BRINP1: variants seen among roughly 807,000 people sequenced by gnomAD.
BRINP1 encodes BMP/retinoic acid-inducible neural-specific protein 1.
Under a neutral mutation model 72.9 loss-of-function variants are expected in BRINP1, and 17 were observed. The ratio of observed to expected loss-of-function variants is 0.23; its 90% CI spans 0.16 to 0.35. BRINP1 has a LOEUF of 0.35. Ranked by LOEUF, BRINP1 falls within the 10% of genes least tolerant of loss-of-function variation. The pLI is 1.00. For synonymous variants in BRINP1, 418 were observed against 378.5 expected (o/e 1.10, Z -1.21); for missense variants, 850 against 1,001.6 (o/e 0.85, Z 2.04).
intron 5 of BRINP1, among the ~76,000 whole-genome samples, chr9:119,232,810 C>T (rs527345816): frequency 3.9e-5 from 6 of 152,014 alleles, no homozygotes; most frequent in South Asian, 4.1e-4. Context: ...CTGTATACTT[C>T]GCCATATGGA....
chr9:119,345,773 T>G (rs147686162), intron 1 of BRINP1, among the ~76,000 whole-genome samples: 6 of 152,308 alleles, frequency 3.9e-5, no homozygotes, highest in South Asian at 2.1e-4. Context: ...TTCCGATGTG[T>G]AAGCTTTGAT....
intron 1 of BRINP1, among the ~76,000 whole-genome samples, chr9:119,326,551 A>C (rs994915029): frequency 6.6e-6 from 1 of 152,150 alleles, no homozygotes; most frequent in Non-Finnish European, 1.5e-5. Context: ...TAAATATTTC[A>C]TTTGGACCCA....
At chr9:119,345,917 G>A (rs1831446973) in intron 1 of BRINP1, among the ~76,000 whole-genome samples, 3 of 151,946 alleles carry the variant, frequency 2.0e-5, no homozygotes, top group Admixed American at 2.0e-4. Flanking sequence ...TTTACAGACA[G>A]GGTAAATGAG....
At chr9:119,358,024 T>C (rs998615394) in intron 1 of BRINP1, among the ~76,000 whole-genome samples, 2 of 152,188 alleles carry the variant, frequency 1.3e-5, no homozygotes, top group Non-Finnish European at 2.9e-5. Context: ...TTATTGTATA[T>C]CTTGGGGCAA....
rs188447386 is a variant in BRINP1, at chr9:119,212,365, G to T, written c.922+1554C>A. 1.4e-3 allele frequency among the ~76,000 whole-genome samples: 218 copies of T among 152,296 alleles called. 1 individual carries two copies. Among genetic ancestry groups the T allele is most frequent in the Non-Finnish European group, 2.7e-3 (181 of 68,020 alleles). ...ATTTTGCTTGATCAAATAATTTCTT[G>T]TCTAAAGACTTGAATAAACTCAAAT... On this transcript the variant is annotated intron_variant, in intron 6 of 7. Transcript: ENST00000265922.
intron 2 of BRINP1, among the ~76,000 whole-genome samples, chr9:119,281,116 A>G (rs1327310973): frequency 1.3e-5 from 2 of 152,172 alleles, no homozygotes; most frequent in South Asian, 2.1e-4. Context: ...AGCCAACCCT[A>G]CTGACACTGG....
At chr9:119,289,439 C>T (rs1043929515) in intron 2 of BRINP1, among the ~76,000 whole-genome samples, 2 of 151,972 alleles carry the variant, frequency 1.3e-5, no homozygotes, top group African/African-American at 2.4e-5. Flanking sequence ...CTGGCTGTTC[C>T]GTGAAAGGAG....
At chr9:119,352,209 T>C (rs1384321577) in intron 1 of BRINP1, among the ~76,000 whole-genome samples, 1 of 152,226 alleles carries the variant, frequency 6.6e-6, no homozygotes, top group African/African-American at 2.4e-5. Flanking sequence ...CTGTCTTTAC[T>C]ATCAGTGCCT....
rs1831729861 is a variant in BRINP1 at position 119,369,292 on chromosome 9, C to T, written c.-287G>A. On this transcript the variant is annotated 5_prime_UTR_variant, in exon 1 of 8. Transcript: ENST00000265922. ...CGGAAGGCGGTCACTACTCCCTCTG[C>T]CTCCCGGCTCTCTCGCTCTCGCTCT... 7.5e-6 allele frequency: 3 copies of T among 398,944 alleles called. No individual in the cohort carries two copies. The highest frequency in any genetic ancestry group is 4.4e-5 in the Admixed American group (1 of 22,746). The allele number at this position is 398,944 out of a possible 1,614,324, so 24.7% of individuals were successfully genotyped here.
intron 2 of BRINP1, among the ~76,000 whole-genome samples, chr9:119,269,143 T>C (rs1024984865): frequency 6.6e-6 from 1 of 152,202 alleles, no homozygotes; most frequent in Non-Finnish European, 1.5e-5. Flanking sequence ...TGCTCATAAG[T>C]GGTGAGTAAT....
intron 7 of BRINP1, among the ~76,000 whole-genome samples, chr9:119,181,002 T>G (rs1183616864): frequency 3.9e-5 from 6 of 152,150 alleles, no homozygotes; most frequent in Non-Finnish European, 8.8e-5. Context: ...TACGAAACAA[T>G]TTTTGCAATT....
At chr9:119,314,905 GATA>G (rs1159378385) in intron 1 of BRINP1, among the ~76,000 whole-genome samples, 1 of 152,118 alleles carries the variant, frequency 6.6e-6, no homozygotes, top group African/African-American at 2.4e-5. Context: ...TCATGATGAG[GATA>G]ATGATGATGA....
intron 2 of BRINP1, among the ~76,000 whole-genome samples, chr9:119,307,257 T>C (rs78895302): frequency 2.6e-5 from 4 of 151,518 alleles, no homozygotes; most frequent in Non-Finnish European, 5.9e-5. Flanking sequence ...CTGACAATAA[T>C]TTTTTTTAGC....
At chr9:119,177,019 C>T (rs1829497416) in intron 7 of BRINP1, among the ~76,000 whole-genome samples, 1 of 152,162 alleles carries the variant, frequency 6.6e-6, no homozygotes, top group Non-Finnish European at 1.5e-5. Flanking sequence ...TGTCAGTTTC[C>T]CCTCCAGGCT....
rs570679070 is a variant in BRINP1 at position 119,242,612 on chromosome 9, T to C, written c.410-396A>G. 3.3e-5 allele frequency among the ~76,000 whole-genome samples: 5 copies of C among 152,316 alleles called. No individual in the cohort carries two copies. In the East Asian group the frequency reaches 5.8e-4, roughly 18 times the overall value. On this transcript the variant is annotated intron_variant, in intron 3 of 7. Coordinates refer to ENST00000265922, the MANE Select transcript of BRINP1 (RefSeq NM_014618.3). ...CCTTTGTCTCCTCATTATCATGCAG[T>C]TCCTCCTTTTCCTCTACTCTCCCAT...
At chr9:119,210,778 AC>A (rs1158777921) in intron 6 of BRINP1, among the ~76,000 whole-genome samples, 1 of 152,160 alleles carries the variant, frequency 6.6e-6, no homozygotes, top group Admixed American at 6.5e-5. Flanking sequence ...CAGCTGTGGG[AC>A]CCTTATTCTC....
At chr9:119,350,815 A>G (rs1179716368) in intron 1 of BRINP1, among the ~76,000 whole-genome samples, 1 of 152,142 alleles carries the variant, frequency 6.6e-6, no homozygotes, top group Non-Finnish European at 1.5e-5. Flanking sequence ...GTGAAATCAA[A>G]TATATATAAA....
At chr9:119,216,332 G>A (rs952245922) in intron 5 of BRINP1, among the ~76,000 whole-genome samples, 3 of 152,188 alleles carry the variant, frequency 2.0e-5, no homozygotes, top group Non-Finnish European at 4.4e-5. Flanking sequence ...AGCAGATTAA[G>A]CTATACAGTT....
chr9:119,252,571 T>C (rs958248253), intron 2 of BRINP1, among the ~76,000 whole-genome samples: 8 of 151,994 alleles, frequency 5.3e-5, no homozygotes, highest in African/African-American at 1.9e-4. Flanking sequence ...TGTGTGTGTG[T>C]GTATCACTTT....
Sources: allele counts gnomAD v4.1 joint callset (sites outside exome capture counted in the v4.1 genomes callset), GRCh38; gene constraint gnomAD v4.1.1; transcripts MANE v1.5; gene names NCBI Gene and HGNC (gene_info 2026-07-23, HGNC 2026-07-21).